CMTM2: variants seen among roughly 807,000 people sequenced by gnomAD.
CMTM2 encodes CKLF-like MARVEL transmembrane domain-containing protein 2.
A neutral mutation model predicts 16.8 loss-of-function variants in CMTM2; 15 were observed. The observed-to-expected ratio is 0.89, with a 90% CI of 0.60 to 1.37. CMTM2 has a LOEUF of 1.37. Among genes scored for constraint, CMTM2 ranks in the 40% most tolerant of loss-of-function variants. The pLI is 0.00. For synonymous variants in CMTM2, 117 were observed against 118.7 expected (o/e 0.99, Z 0.09); for missense variants, 282 against 318.0 (o/e 0.89, Z 0.86).
intron 2 of CMTM2, among the ~76,000 whole-genome samples, chr16:66,581,451 G>T (rs1597190546): frequency 6.6e-6 from 1 of 152,226 alleles, no homozygotes; most frequent in East Asian, 1.9e-4. Context: ...AAACACACAG[G>T]CGCCAGAAAT....
At chr16:66,586,859 GTGTT>G in intron 2 of CMTM2, 134 bp from the exon 3 acceptor site, 1 of 666,510 alleles carries the variant, frequency 1.5e-6, no homozygotes, top group Non-Finnish European at 2.8e-6. Context: ...AGCCCGGTGT[GTGTT>G]TATCTTTATG....
At position 66,587,024 on chromosome 16, in the gene CMTM2, G is replaced by A. The variant is rs756422065; in HGVS notation, c.472G>A (p.Ala158Thr). 3 of 1,614,010 alleles carry A rather than the reference G, an allele frequency of 1.9e-6. No homozygotes were observed. Among genetic ancestry groups the A allele is most frequent in the African/African-American group, 2.7e-5 (2 of 74,910 alleles). ...CCTCTTCAACGACCTGATTGCTTGT[G>A]CGTTCCTTGTGGGAGCCGTGGTCTT... ...SDLFNDLIAC[A>T]FLVGAVVFAV... is the part of the protein sequence containing the mutation. The change falls in exon 3 of 4, where the codon GCG (alanine) becomes ACG (threonine). Residue 158 changes from alanine (A) to threonine (T), a missense_variant. Transcript: ENST00000268595.
intron 2 of CMTM2, 163 bp from the exon 3 acceptor site, chr16:66,586,834 C>T: frequency 1.7e-6 from 1 of 600,558 alleles, no homozygotes; most frequent in Non-Finnish European, 3.0e-6. Context: ...TGGAGGGCCA[C>T]AGATATGTCC....
chr16:66,587,169 T>C, intron 3 of CMTM2, 71 bp downstream of exon 3: 1 of 1,233,536 alleles, frequency 8.1e-7, no homozygotes, highest in South Asian at 1.2e-5. Context: ...TGTTGTCCTC[T>C]GTTTAAGGAA....
chr16:66,586,899 T>C, intron 2 of CMTM2, 98 bp from the exon 3 acceptor site: 1 of 828,436 alleles, frequency 1.2e-6, no homozygotes, highest in Non-Finnish European at 2.1e-6. Context: ...CAGGTGGAAA[T>C]TTGCAAATCA....
Position 66,579,688 on chromosome 16 carries a change from C to CA in CMTM2, c.83dup (p.Lys29GlufsTer4), listed in dbSNP as rs756086415. On this transcript the variant is annotated frameshift_variant, in exon 1 of 4. Coordinates refer to ENST00000268595, the MANE Select transcript of CMTM2 (RefSeq NM_144673.3). LOFTEE classifies it high-confidence loss of function. The surrounding 1 kb of genome is among the most constrained non-coding windows in gnomAD (Gnocchi z 6.5). ...CACCCGGGGCCAAACCCGAGGAAGA[C>CA]AAGAAGGACGGTAAGGAGCCATCGG... 4 of 1,613,662 alleles carry CA rather than the reference C, an allele frequency of 2.5e-6. No homozygotes were observed. In the Admixed American group the frequency reaches 5.0e-5, roughly 20 times the overall value.
Position 66,580,025 on chromosome 16 carries a change from G to C in CMTM2, c.286-1G>C, listed in dbSNP as rs760272770. On this transcript the variant is annotated splice_acceptor_variant, in intron 1 of 3. Coordinates refer to ENST00000268595, the MANE Select transcript of CMTM2 (RefSeq NM_144673.3). LOFTEE classifies it high-confidence loss of function. Reference sequence around the variant, plus strand: ...GCTCAGGTGTCTATGTCTCACTGCAGGGCTGCCTAATAGCTGCAATGATAC... The same window carrying C: ...GCTCAGGTGTCTATGTCTCACTGCACGGCTGCCTAATAGCTGCAATGATAC... 3.1e-6 allele frequency: 5 copies of C among 1,614,110 alleles called. No individual in the cohort carries two copies. The highest frequency in any genetic ancestry group is 2.2e-5 in the South Asian group (2 of 91,080).
chr16:66,582,743 G>C (rs2014749925), intron 2 of CMTM2, among the ~76,000 whole-genome samples: 1 of 151,972 alleles, frequency 6.6e-6, no homozygotes, highest in Admixed American at 6.6e-5. Flanking sequence ...GCACAGTGAT[G>C]TGTGCCTGTA....
In CMTM2 at chr16:66,587,686, T is replaced by C. The variant is rs117652167; in HGVS notation, c.547-233T>C. Among the ~76,000 whole-genome samples, 1,067 of 152,060 alleles carry C rather than the reference T, an allele frequency of 7.0e-3. 31 individuals are homozygous for C. Among genetic ancestry groups the C allele is most frequent in the Admixed American group, 0.048 (727 of 15,282 alleles). On this transcript the variant is annotated intron_variant, in intron 3 of 3. Transcript: ENST00000268595. ...CCGACCCCAGAGCAAACAGTCCCAC[T>C]CTGGCTGGGTTTCAAGAGAGAAAAG... is the stretch of plus-strand genomic sequence containing the variant.
intron 2 of CMTM2, among the ~76,000 whole-genome samples, chr16:66,584,384 T>TAC (rs1303773913): frequency 2.6e-5 from 4 of 152,054 alleles, no homozygotes; most frequent in East Asian, 1.9e-4. Context: ...GCTCTCTCTC[T>TAC]ACACACACAC....
intron 2 of CMTM2, among the ~76,000 whole-genome samples, chr16:66,584,557 CTG>C (rs1267222975): frequency 1.3e-5 from 2 of 152,192 alleles, no homozygotes; most frequent in Non-Finnish European, 2.9e-5. Flanking sequence ...AAGTTAATGT[CTG>C]TTGTTTAAGC....
Position 66,579,530 on chromosome 16 carries a change from T to C in CMTM2, c.-78T>C, listed in dbSNP as rs919657138. The C allele has an allele frequency of 1.1e-5, 17 of 1,559,416 alleles. No individual in the cohort carries two copies. In the Admixed American group the frequency reaches 2.5e-4, roughly 23 times the overall value. ...GCTCGGTGGACACCAGGCACTCTAG[T>C]AGGCCTGGCCTACCCAGAAACAGCA... On this transcript the variant is annotated 5_prime_UTR_variant, in exon 1 of 4. Transcript: ENST00000268595. This position sits in a 1 kb window ranked among gnomAD's most constrained non-coding sequence, Gnocchi z 6.5.
intron 2 of CMTM2, among the ~76,000 whole-genome samples, chr16:66,585,089 G>T (rs1597191884): frequency 6.6e-6 from 1 of 151,990 alleles, no homozygotes; most frequent in South Asian, 2.1e-4. Context: ...TGGGATTACA[G>T]GCATGCACCC....
intron 2 of CMTM2, among the ~76,000 whole-genome samples, chr16:66,584,806 C>A (rs917889477): frequency 2.6e-5 from 4 of 152,146 alleles, no homozygotes; most frequent in African/African-American, 9.7e-5. Context: ...CAGAAGACAT[C>A]ATAGGCCAGG....
At position 66,588,044 on chromosome 16, in the gene CMTM2, GC is replaced by G. The variant is rs1490451933; in HGVS notation, c.673del (p.Gln225ArgfsTer33). ...PPPGKEKGPQ[Q>X]GKGPEPAKPP... Reference sequence around the variant, plus strand: ...CTCCAGGAAAGGAAAAAGGACCCCAGCAGGGCAAGGGACCAGAACCCGCCAA... The same window carrying G: ...CTCCAGGAAAGGAAAAAGGACCCCAGAGGGCAAGGGACCAGAACCCGCCAA... On this transcript the variant is annotated frameshift_variant, in exon 4 of 4. Coordinates refer to ENST00000268595, the MANE Select transcript of CMTM2 (RefSeq NM_144673.3). LOFTEE classifies it low-confidence loss of function (END_TRUNC). 1.2e-6 allele frequency: 2 copies of G among 1,613,738 alleles called. No homozygotes were observed. The highest frequency in any genetic ancestry group is 4.5e-5 in the East Asian group (2 of 44,900).
rs550684480 is a variant in CMTM2, at chr16:66,579,598, C to T, written c.-10C>T. 1.9e-6 allele frequency: 3 copies of T among 1,613,620 alleles called. No homozygotes were observed. Among genetic ancestry groups the T allele is most frequent in the East Asian group, 2.2e-5 (1 of 44,876 alleles). On this transcript the variant is annotated 5_prime_UTR_variant, in exon 1 of 4. Transcript: ENST00000268595. This position sits in a 1 kb window ranked among gnomAD's most constrained non-coding sequence, Gnocchi z 6.5. ...GCCAGCTGTGAGAAGCCAAGGACAC[C>T]GAGTCAGTCATGGCACCTAAGGCGG...
chr16:66,580,068 G>T lies in CMTM2; in HGVS notation c.328G>T (p.Val110Leu), dbSNP rs749149673. Residue 110 changes from valine (V) to leucine (L), a missense_variant, in exon 2 of 4, where the codon GTG becomes TTG. Coordinates refer to ENST00000268595, the MANE Select transcript of CMTM2 (RefSeq NM_144673.3). ...AAMILLSSLT[V>L]HPILRLIITM... ...AATGATACTGTTGTCCTCACTCACC[G>T]TGCACCCCATCTTGAGGCTTATCAT... 6.2e-7 allele frequency: 1 copy of T among 1,614,174 alleles called. No homozygotes were observed. The highest frequency in any genetic ancestry group is 2.2e-5 in the East Asian group (1 of 44,874).
intron 2 of CMTM2, 46 bp downstream of exon 2, chr16:66,580,230 A>C (rs2014706312): frequency 1.9e-6 from 3 of 1,605,310 alleles, no homozygotes; most frequent in African/African-American, 1.3e-5. Context: ...AATGCTGATC[A>C]GGTGTGTCTT....
chr16:66,579,938 G>A lies in CMTM2; in HGVS notation c.285+46G>A, dbSNP rs2290183. ...TGGGTGGGGGGCCTTGGCCGAGGGT[G>A]GGGGGAAGGAGGAGTAGGCTCCAGG... On this transcript the variant is annotated intron_variant, in intron 1 of 3. Coordinates refer to ENST00000268595, the MANE Select transcript of CMTM2 (RefSeq NM_144673.3). This position sits in a 1 kb window ranked among gnomAD's most constrained non-coding sequence, Gnocchi z 6.5. The A allele has an allele frequency of 5.4e-5, 87 of 1,607,422 alleles. No individual in the cohort carries two copies. The highest frequency in any genetic ancestry group is 1.6e-4 in the African/African-American group (12 of 74,678).
Sources: allele counts gnomAD v4.1 joint callset (sites outside exome capture counted in the v4.1 genomes callset), GRCh38; gene constraint gnomAD v4.1.1; non-coding constraint Gnocchi (gnomAD v3.1); transcripts MANE v1.5; gene names NCBI Gene and HGNC (gene_info 2026-07-23, HGNC 2026-07-21).